Variants in MIPOL1 observed in about 807,000 individuals in gnomAD.
MIPOL1 encodes the protein mirror-image polydactyly 1, also known as mirror-image polydactyly gene 1 protein.
A neutral mutation model predicts 60.9 loss-of-function variants in MIPOL1; 57 were observed. That is an observed-to-expected ratio of 0.94 (90% CI 0.76 to 1.17). The LOEUF (loss-of-function observed/expected upper bound fraction) is 1.17, where lower values mean the gene tolerates loss of function less well. MIPOL1 is among the 50% of genes most tolerant of loss of function. MIPOL1 has a pLI of 0.00. For synonymous variants in MIPOL1, 179 were observed against 168.8 expected (o/e 1.06, Z -0.47); for missense variants, 551 against 511.6 (o/e 1.08, Z -0.74).
chr14:37,248,078 A>C (rs146038468), intron 3 of MIPOL1, among the ~76,000 whole-genome samples, 171 bp downstream of exon 3: 236 of 152,146 alleles, frequency 1.6e-3, no homozygotes, highest in Non-Finnish European at 2.8e-3. Context: ...GATACAAAGA[A>C]AGACACACAG....
At chr14:37,351,708 T>C (rs1437645310) in intron 9 of MIPOL1, among the ~76,000 whole-genome samples, 1 of 135,512 alleles carries the variant, frequency 7.4e-6, no homozygotes, top group Non-Finnish European at 1.6e-5. Context: ...AAATGTCTTC[T>C]TTTGAGAAGT....
intron 7 of MIPOL1, among the ~76,000 whole-genome samples, chr14:37,304,431 A>T (rs1322169856): frequency 6.6e-6 from 1 of 151,814 alleles, no homozygotes; most frequent in African/African-American, 2.4e-5. Flanking sequence ...GCATTTGTAT[A>T]CTTCAGCTTT....
intron 5 of MIPOL1, among the ~76,000 whole-genome samples, chr14:37,269,512 T>A (rs2083128415): frequency 6.6e-6 from 1 of 152,012 alleles, no homozygotes; most frequent in South Asian, 2.1e-4. Context: ...GACAAAAACC[T>A]AGGGAGGAAT....
intron 12 of MIPOL1, among the ~76,000 whole-genome samples, chr14:37,518,444 T>G (rs2153629325): frequency 6.6e-6 from 1 of 152,280 alleles, no homozygotes; most frequent in South Asian, 2.1e-4. Context: ...AAGTGATTCT[T>G]CTGCCTCAGC....
intron 12 of MIPOL1, chr14:37,506,625 A>G (rs1216361910): frequency 6.6e-6 from 1 of 152,234 alleles, no homozygotes; most frequent in African/African-American, 2.4e-5. Flanking sequence ...TAAATGTAAG[A>G]CCTAAAACCA....
chr14:37,331,490 G>C (rs1219953780), intron 9 of MIPOL1, among the ~76,000 whole-genome samples: 5 of 149,724 alleles, frequency 3.3e-5, no homozygotes, highest in African/African-American at 9.8e-5. Context: ...TTACTTCTTT[G>C]ATTAAGTTTA....
chr14:37,512,491 A>G (rs1231439437), intron 12 of MIPOL1, among the ~76,000 whole-genome samples: 6 of 151,658 alleles, frequency 4.0e-5, no homozygotes, highest in Non-Finnish European at 7.4e-5. Context: ...AAAAAAAAAA[A>G]GCCTGCTATT....
chr14:37,312,427 A>G (rs527629719), intron 9 of MIPOL1, among the ~76,000 whole-genome samples: 128 of 152,220 alleles, frequency 8.4e-4, no homozygotes, highest in African/African-American at 3.0e-3. Context: ...TAAAGCTATT[A>G]TTTAGCATCA....
intron 11 of MIPOL1, among the ~76,000 whole-genome samples, chr14:37,496,422 C>G (rs1413381215): frequency 2.7e-5 from 4 of 147,436 alleles, no homozygotes; most frequent in Non-Finnish European, 6.0e-5. Flanking sequence ...AGCCCAAAAC[C>G]TCCTTAAGCT....
intron 10 of MIPOL1, chr14:37,400,490 C>G (rs2093461593): frequency 2.6e-5 from 4 of 152,086 alleles, no homozygotes; most frequent in Admixed American, 2.6e-4. Flanking sequence ...GGGACTGAAG[C>G]TTGTTGATAA....
At chr14:37,227,326 A>G (rs1969912943) in intron 1 of MIPOL1, among the ~76,000 whole-genome samples, 1 of 152,176 alleles carries the variant, frequency 6.6e-6, no homozygotes. Context: ...TGTATAGTCT[A>G]TTCATGTATT....
intron 11 of MIPOL1, among the ~76,000 whole-genome samples, chr14:37,479,099 T>C (rs1226948424): frequency 1.3e-5 from 2 of 152,110 alleles, no homozygotes; most frequent in African/African-American, 4.8e-5. Context: ...TTGTTTCCAG[T>C]GGGGTTGGAG....
rs182595981 is a variant in MIPOL1, at chr14:37,235,401, G to A, written c.-198-11702G>A. Among the ~76,000 whole-genome samples the A allele has an allele frequency of 3.3e-5, 5 of 152,220 alleles. No individual in the cohort carries two copies. In the South Asian group the frequency reaches 1.0e-3, roughly 32 times the overall value. ...TTAATCCCTCTGTGTTTGCTGCAGT[G>A]TTAGGGAATCCTTGACATACAGGTC... On this transcript the variant is annotated intron_variant, in intron 1 of 12. Coordinates refer to ENST00000684589, the MANE Select transcript of MIPOL1 (RefSeq NM_001388067.1).
At chr14:37,415,658 T>C (rs1356980051) in intron 10 of MIPOL1, among the ~76,000 whole-genome samples, 9 of 151,854 alleles carry the variant, frequency 5.9e-5, no homozygotes. Flanking sequence ...AGCACAGATT[T>C]TTTAAAGCAC....
chr14:37,200,883 T>C (rs1965181618), intron 1 of MIPOL1, among the ~76,000 whole-genome samples: 1 of 107,504 alleles, frequency 9.3e-6, no homozygotes, highest in Non-Finnish European at 1.7e-5. Context: ...TGTGTGTGTG[T>C]GTGTGTGTGT....
intron 3 of MIPOL1, among the ~76,000 whole-genome samples, chr14:37,261,984 T>A (rs1445672917): frequency 6.6e-6 from 1 of 152,028 alleles, no homozygotes; most frequent in Non-Finnish European, 1.5e-5. Flanking sequence ...TTTTATCTTG[T>A]ACACACATAT....
chr14:37,233,844 C>A (rs1971013649), intron 1 of MIPOL1, among the ~76,000 whole-genome samples: 1 of 152,198 alleles, frequency 6.6e-6, no homozygotes, highest in South Asian at 2.1e-4. Flanking sequence ...CTTTGGCCTT[C>A]TAGAAAGTCA....
chr14:37,349,960 T>C (rs2091233009), intron 9 of MIPOL1, among the ~76,000 whole-genome samples: 1 of 152,202 alleles, frequency 6.6e-6, no homozygotes, highest in African/African-American at 2.4e-5. Context: ...GATAAATTAG[T>C]TACATAGTTC....
chr14:37,488,365 C>T (rs2153603801), intron 11 of MIPOL1, among the ~76,000 whole-genome samples: 1 of 152,188 alleles, frequency 6.6e-6, no homozygotes, highest in Admixed American at 6.5e-5. Context: ...GAATTGAATT[C>T]CTGAATGTTC....
Sources: gnomAD v4.1 joint callset for allele counts (sites outside exome capture counted in the v4.1 genomes callset) on GRCh38, gnomAD v4.1.1 for gene constraint, MANE v1.5 for transcripts, NCBI Gene and HGNC (gene_info 2026-07-23, HGNC 2026-07-21) for gene names.